Variants in TJAP1 observed in about 807,000 individuals in gnomAD.
TJAP1 encodes tight junction-associated protein 1.
TJAP1 carries 27 observed loss-of-function variants against 42.0 expected under a neutral mutation model. The observed-to-expected ratio is 0.64, with a 90% confidence interval of 0.47 to 0.89. TJAP1 has a LOEUF of 0.89. TJAP1 is among the 40% of genes least tolerant of loss of function. The probability of loss-of-function intolerance (pLI) is 0.00; values close to 1 mark genes in which losing one functional copy is unlikely to be tolerated. For synonymous variants in TJAP1, 257 were observed against 288.4 expected (o/e 0.89, Z 1.10); for missense variants, 712 against 726.9 (o/e 0.98, Z 0.24).
At chr6:43,489,690 C>T (rs56194194) in intron 2 of TJAP1, 8 of 152,338 alleles carry the variant, frequency 5.3e-5, no homozygotes, top group African/African-American at 1.7e-4. Context: ...GTTGACCAAC[C>T]AGAGAGGCTT....
intron 10 of TJAP1, 122 bp from the exon 11 acceptor site, chr6:43,504,639 G>A (rs747062832): frequency 1.2e-5 from 15 of 1,249,864 alleles, no homozygotes; most frequent in Non-Finnish European, 1.6e-5. Flanking sequence ...TGTAAGAACA[G>A]GAGATAGCAG....
At chr6:43,503,553 T>C in intron 9 of TJAP1, 45 bp downstream of exon 9, 2 of 1,611,472 alleles carry the variant, frequency 1.2e-6, no homozygotes, top group South Asian at 2.2e-5. Flanking sequence ...TGGGGCTAGC[T>C]TTGTCCTGGC....
intron 2 of TJAP1, among the ~76,000 whole-genome samples, chr6:43,488,454 G>A (rs1239785279): frequency 6.6e-6 from 1 of 152,240 alleles, no homozygotes; most frequent in African/African-American, 2.4e-5. Flanking sequence ...ATTGGCAGGA[G>A]TGTCCTTGAG....
exon 9 of TJAP1, chr6:43,503,445 T>G (rs1427992956): frequency 6.2e-7 from 1 of 1,613,944 alleles, no homozygotes; most frequent in Non-Finnish European, 8.5e-7. Flanking sequence ...ACTGGGAGAT[T>G]GTGGAGCTGA....
At chr6:43,485,959 C>T (rs1786368560) in intron 2 of TJAP1, among the ~76,000 whole-genome samples, 1 of 151,254 alleles carries the variant, frequency 6.6e-6, no homozygotes, top group African/African-American at 2.4e-5. Flanking sequence ...CCCTTTTAGC[C>T]TTTTTATGTT....
chr6:43,501,376 C>T (rs1790474522), intron 5 of TJAP1, 150 bp from the exon 6 acceptor site: 2 of 707,570 alleles, frequency 2.8e-6, no homozygotes, highest in Admixed American at 2.8e-5. Context: ...AATATGCTGC[C>T]TTAGACTCAG....
chr6:43,495,001 A>G lies in TJAP1; in HGVS notation c.-121-2880A>G, dbSNP rs1291589726. 6.6e-6 allele frequency among the ~76,000 whole-genome samples: 1 copy of G among 152,346 alleles called. No homozygotes were observed. Among genetic ancestry groups the G allele is most frequent in the East Asian group, 1.9e-4 (1 of 5,186 alleles). ...GGCTGCCGCTTGCTCATCATGGGCC[A>G]TGGCCCATTCTGAGCTGTCCAGCTG... On this transcript the variant is annotated intron_variant, in intron 2 of 10. Coordinates refer to ENST00000372449, the Ensembl canonical transcript of TJAP1. This position sits in a 1 kb window ranked among gnomAD's most constrained non-coding sequence, Gnocchi z 4.6.
rs982627984 is a variant in TJAP1 at position 43,496,000 on chromosome 6, T to C, written c.-121-1881T>C. 6.6e-6 allele frequency among the ~76,000 whole-genome samples: 1 copy of C among 151,774 alleles called. No individual in the cohort carries two copies. The highest frequency in any genetic ancestry group is 2.4e-5 in the African/African-American group (1 of 41,260). On this transcript the variant is annotated intron_variant, in intron 2 of 10. Coordinates refer to ENST00000372449, the Ensembl canonical transcript of TJAP1. This position sits in a 1 kb window ranked among gnomAD's most constrained non-coding sequence, Gnocchi z 4.6. ...AGGACAGCACAGGCCTTGCCAGGAATAGGGACAAGGGAGTACAGAGGAATA... is the reference window on the plus strand; with the variant it reads ...AGGACAGCACAGGCCTTGCCAGGAACAGGGACAAGGGAGTACAGAGGAATA...
At chr6:43,482,919 C>T (rs570836510) in intron 2 of TJAP1, among the ~76,000 whole-genome samples, 4 of 152,084 alleles carry the variant, frequency 2.6e-5, no homozygotes, top group East Asian at 3.9e-4. Flanking sequence ...ATCAGGAGTT[C>T]GAGACCAGCC....
intron 2 of TJAP1, chr6:43,497,432 A>G (rs1392986816): frequency 6.6e-6 from 1 of 152,258 alleles, no homozygotes; most frequent in Non-Finnish European, 1.5e-5. Context: ...CCTTCTGGAA[A>G]TGCTAGGTGC....
At chr6:43,496,077 C>T (rs1239028490) in intron 2 of TJAP1, among the ~76,000 whole-genome samples, 1 of 152,088 alleles carries the variant, frequency 6.6e-6, no homozygotes, top group Admixed American at 6.5e-5. Context: ...CCTGAGATGA[C>T]TGGGGAGCAC....
chr6:43,484,093 A>G (rs1037828303), intron 2 of TJAP1, among the ~76,000 whole-genome samples: 1 of 152,068 alleles, frequency 6.6e-6, no homozygotes, highest in African/African-American at 2.4e-5. Flanking sequence ...AAAAAAAAAA[A>G]TAAAATATGG....
At chr6:43,503,685 C>T in exon 10 of TJAP1, 1 of 1,614,156 alleles carries the variant, frequency 6.2e-7, no homozygotes, top group South Asian at 1.1e-5. Flanking sequence ...AGTCCCACTT[C>T]CGAAACCACA....
At chr6:43,503,971 G>A (rs1303586340) in intron 10 of TJAP1, 4 of 672,696 alleles carry the variant, frequency 5.9e-6, no homozygotes, top group African/African-American at 1.8e-5. Context: ...GGAAGGAGAG[G>A]GTAGTCAGAG....
At chr6:43,501,470 G>T in intron 5 of TJAP1, 56 bp from the exon 6 acceptor site, 1 of 1,525,130 alleles carries the variant, frequency 6.6e-7, no homozygotes, top group Non-Finnish European at 8.9e-7. Flanking sequence ...GAGCTCCAGG[G>T]CATGCCCTTC....
At chr6:43,504,707 A>G (rs1791849638) in intron 10 of TJAP1, 54 bp from the exon 11 acceptor site, 23 of 1,577,428 alleles carry the variant, frequency 1.5e-5, no homozygotes, top group East Asian at 2.2e-5. Flanking sequence ...CCATGAGTCA[A>G]GTTATCTTTG....
intron 10 of TJAP1, 196 bp from the exon 11 acceptor site, chr6:43,504,565 T>G: frequency 1.4e-6 from 1 of 711,576 alleles, no homozygotes; most frequent in East Asian, 2.6e-5. Context: ...AACCAAAGCT[T>G]TGAGTTGTCT....
chr6:43,492,748 C>T lies in TJAP1; in HGVS notation c.-121-5133C>T, dbSNP rs1788087149. Among the ~76,000 whole-genome samples the T allele has an allele frequency of 6.6e-6, 1 of 152,176 alleles. No individual in the cohort carries two copies. The highest frequency in any genetic ancestry group is 2.4e-5 in the African/African-American group (1 of 41,446). ...GGACCAAGGCCAGGTCACCTGGTTCCAGGGCTTACGCTTGCAGGGTGACCA... is the reference window on the plus strand; with the variant it reads ...GGACCAAGGCCAGGTCACCTGGTTCTAGGGCTTACGCTTGCAGGGTGACCA... On this transcript the variant is annotated intron_variant, in intron 2 of 10. Coordinates refer to ENST00000372449, the Ensembl canonical transcript of TJAP1. This position sits in a 1 kb window ranked among gnomAD's most constrained non-coding sequence, Gnocchi z 4.2.
chr6:43,504,619 A>T, intron 10 of TJAP1, 142 bp from the exon 11 acceptor site: 2 of 1,072,102 alleles, frequency 1.9e-6, no homozygotes, highest in South Asian at 3.0e-5. Flanking sequence ...GGGTATACAC[A>T]CTGGCATGCT....
Sources: gnomAD v4.1 joint callset for allele counts (sites outside exome capture counted in the v4.1 genomes callset) on GRCh38, gnomAD v4.1.1 for gene constraint, Gnocchi (gnomAD v3.1) non-coding constraint, MANE v1.5 for transcripts, NCBI Gene and HGNC (gene_info 2026-07-23, HGNC 2026-07-21) for gene names.